The following CAPN14 variants were observed in gnomAD, a reference collection of about 807,000 sequenced individuals.
The protein encoded by CAPN14 is calpain-14.
Under a neutral mutation model 101.3 loss-of-function variants are expected in CAPN14, and 94 were observed. The ratio of observed to expected loss-of-function variants is 0.93; its 90% CI spans 0.79 to 1.10. The LOEUF is 1.10. CAPN14 is among the 50% of genes least tolerant of loss of function. The probability of loss-of-function intolerance (pLI) is 0.00; values close to 1 mark genes in which losing one functional copy is unlikely to be tolerated. For synonymous variants in CAPN14, 338 were observed against 317.9 expected (o/e 1.06, Z -0.67); for missense variants, 837 against 828.4 (o/e 1.01, Z -0.13).
At chr2:31,226,431 T>TGCACC (rs1460450001) in intron 2 of CAPN14, 1 of 152,242 alleles carries the variant, frequency 6.6e-6, no homozygotes, top group Non-Finnish European at 1.5e-5. Context: ...CTTCAGTGCC[T>TGCACC]GCACCAGCCC....
At chr2:31,193,337 A>G in intron 9 of CAPN14, 43 bp from the exon 10 acceptor site, 1 of 1,542,236 alleles carries the variant, frequency 6.5e-7, no homozygotes, top group Non-Finnish European at 8.8e-7. Context: ...TGGACCAGAT[A>G]ACGCCTAGTT....
At chr2:31,215,382 G>A (rs10186540) in intron 1 of CAPN14, among the ~76,000 whole-genome samples, 86,608 of 151,750 alleles carry the variant, frequency 0.57, 25,743 homozygotes, top group East Asian at 0.94. Context: ...TTTGCCATAG[G>A]ACTGGCCATT....
intron 17 of CAPN14, 52 bp downstream of exon 17, chr2:31,180,884 A>G: frequency 1.4e-6 from 2 of 1,450,528 alleles, no homozygotes; most frequent in Non-Finnish European, 1.9e-6. Context: ...CTAGCTCCAG[A>G]GTGAAGCTCT....
At chr2:31,223,928 A>G (rs1304368701) in intron 2 of CAPN14, among the ~76,000 whole-genome samples, 1 of 152,210 alleles carries the variant, frequency 6.6e-6, no homozygotes, top group Non-Finnish European at 1.5e-5. Flanking sequence ...AACACCTGAC[A>G]TATAACAGGC....
chr2:31,203,479 G>A (rs902994274), intron 2 of CAPN14, among the ~76,000 whole-genome samples: 5 of 151,914 alleles, frequency 3.3e-5, no homozygotes, highest in African/African-American at 9.7e-5. Context: ...CTTCTCTTTC[G>A]CTTTTTTCTC....
intron 12 of CAPN14, 183 bp from the exon 13 acceptor site, chr2:31,189,661 C>A: frequency 1.4e-6 from 1 of 691,474 alleles, no homozygotes; most frequent in South Asian, 1.5e-5. Context: ...GTGTGGAGGG[C>A]TGCACCTTTG....
chr2:31,224,994 G>T (rs950001603), intron 2 of CAPN14, among the ~76,000 whole-genome samples: 1 of 151,986 alleles, frequency 6.6e-6, no homozygotes, highest in African/African-American at 2.4e-5. Context: ...CAATGATTCG[G>T]TTTTGTAGGA....
At chr2:31,179,359 T>C (rs1300646043) in intron 17 of CAPN14, among the ~76,000 whole-genome samples, 1 of 152,102 alleles carries the variant, frequency 6.6e-6, no homozygotes, top group Non-Finnish European at 1.5e-5. Flanking sequence ...CTCAGAATAA[T>C]GGTTTCAAGC....
intron 1 of CAPN14, among the ~76,000 whole-genome samples, chr2:31,215,020 C>G (rs538076714): frequency 6.6e-6 from 1 of 152,246 alleles, no homozygotes; most frequent in South Asian, 2.1e-4. Flanking sequence ...CTTTGTACAG[C>G]CTCCTCCTAA....
intron 10 of CAPN14, among the ~76,000 whole-genome samples, chr2:31,192,761 G>C (rs116294241): frequency 0.01 from 1,553 of 152,270 alleles, 30 homozygotes; most frequent in African/African-American, 0.036. Flanking sequence ...GCCTAGTTAG[G>C]GGGTGGTTAC....
chr2:31,219,696 G>C (rs1347911683), upstream of CAPN14, among the ~76,000 whole-genome samples: 1 of 152,210 alleles, frequency 6.6e-6, no homozygotes, highest in Admixed American at 6.5e-5. Context: ...GAGTATTGGA[G>C]AATGAGGGTT....
chr2:31,202,068 C>T, intron 4 of CAPN14, 66 bp downstream of exon 4: 1 of 1,549,986 alleles, frequency 6.5e-7, no homozygotes, highest in South Asian at 1.2e-5. Context: ...AAGGTGAAGA[C>T]ATGGTCCTCC....
In CAPN14 at chr2:31,184,174, C is replaced by T. The variant is rs770652272; in HGVS notation, c.1645+2254G>A. ...CTGGGATTACAGGAGTGAGCCACCG[C>T]GCCCGGCCCTCCTCAGGTTTCTTGA... is the stretch of plus-strand genomic sequence containing the variant. On this transcript the variant is annotated intron_variant, in intron 16 of 21. Transcript: ENST00000403897. Among the ~76,000 whole-genome samples the T allele has an allele frequency of 5.9e-5, 9 of 152,168 alleles. No individual in the cohort carries two copies. The South Asian group carries it at 6.2e-4, about 11-fold the overall frequency.
intron 16 of CAPN14, 135 bp downstream of exon 16, chr2:31,186,292 CT>C (rs1262943408): frequency 2.0e-6 from 1 of 493,036 alleles, no homozygotes; most frequent in African/African-American, 2.0e-5. Flanking sequence ...CATAATCCAC[CT>C]TGTGTAAAAT....
At chr2:31,185,653 G>A (rs1323108002) in intron 16 of CAPN14, among the ~76,000 whole-genome samples, 2 of 152,150 alleles carry the variant, frequency 1.3e-5, no homozygotes, top group Non-Finnish European at 2.9e-5. Flanking sequence ...CTGTTTTACT[G>A]ATAACTGAAT....
intron 2 of CAPN14, among the ~76,000 whole-genome samples, chr2:31,225,925 G>A (rs2148708639): frequency 6.6e-6 from 1 of 152,092 alleles, no homozygotes; most frequent in Middle Eastern, 3.4e-3. Context: ...AGAAGAAAGT[G>A]AGAATATCTA....
chr2:31,184,847 C>A (rs577594102), intron 16 of CAPN14, among the ~76,000 whole-genome samples: 1 of 152,166 alleles, frequency 6.6e-6, no homozygotes, highest in Non-Finnish European at 1.5e-5. Flanking sequence ...TGAATTTGTA[C>A]GAGCTTATTT....
intron 1 of CAPN14, among the ~76,000 whole-genome samples, chr2:31,210,460 C>CATAAAATAAAATAAAATAAA (rs10550181): frequency 0.021 from 3,214 of 150,698 alleles, 105 homozygotes; most frequent in African/African-American, 0.071. Flanking sequence ...AAAAATAAAA[C>CATAAAATAAAATAAAATAAA]ATAAAATAAA....
Position 31,202,218 on chromosome 2 carries a change from CAG to C in CAPN14, c.328_329del (p.Leu110GlyfsTer19), listed in dbSNP as rs895312100. The stretch of plus-strand genomic sequence containing the variant: ...GGCTCAGGATGTCCTGGTGCAAGGC[CAG>C]AGCTTGCAAAGCAGCCAAGAACCAG... ...DCWFLAALQALALHQDILSRV... is the reference protein window; with the variant it reads ...DCWFLAALQAXALHQDILSRV... On this transcript the variant is annotated frameshift_variant, in exon 4 of 22. Transcript: ENST00000403897. LOFTEE classifies it high-confidence loss of function. 7.1e-6 allele frequency: 11 copies of C among 1,551,428 alleles called. No individual in the cohort carries two copies. The highest frequency in any genetic ancestry group is 2.7e-5 in the African/African-American group (2 of 73,048).
Sources: gnomAD v4.1 joint callset for allele counts (sites outside exome capture counted in the v4.1 genomes callset) on GRCh38, gnomAD v4.1.1 for gene constraint, MANE v1.5 for transcripts, NCBI Gene and HGNC (gene_info 2026-07-23, HGNC 2026-07-21) for gene names.